The following HELZ variants were observed in gnomAD, a reference collection of about 807,000 sequenced individuals.
HELZ encodes ATP-dependent RNA helicase with zinc finger domain.
HELZ carries 23 observed loss-of-function variants against 218.2 expected under a neutral mutation model. The ratio of observed to expected loss-of-function variants is 0.11; its 90% CI spans 0.08 to 0.15. The LOEUF (loss-of-function observed/expected upper bound fraction) is 0.15, where lower values mean the gene tolerates loss of function less well. Ranked by LOEUF, HELZ falls within the 10% of genes least tolerant of loss-of-function variation. The pLI is 1.00. For missense variants in HELZ, 1,813 were observed against 2,353.7 expected (o/e 0.77, Z 4.75); for synonymous variants, 814 against 829.4 (o/e 0.98, Z 0.32).
intron 5 of HELZ, among the ~76,000 whole-genome samples, chr17:67,215,219 C>G (rs1049533893): frequency 6.6e-6 from 1 of 152,102 alleles, no homozygotes; most frequent in Non-Finnish European, 1.5e-5. Context: ...GAAAGATCTT[C>G]TGATCAAGAA....
rs1402362094 is a variant in HELZ at position 67,076,854 on chromosome 17, A to T, written c.*1398T>A. On this transcript the variant is annotated 3_prime_UTR_variant, in exon 33 of 33. Coordinates refer to ENST00000358691, the MANE Select transcript of HELZ (RefSeq NM_014877.4). Reference sequence around the variant, plus strand: ...TCGAAAGGTTCCCCAGCCTCATCTTATTTTTTTTTAAAAGTTTATATTGTA... The same window carrying T: ...TCGAAAGGTTCCCCAGCCTCATCTTTTTTTTTTTTAAAAGTTTATATTGTA... The T allele has an allele frequency of 1.3e-5, 2 of 151,576 alleles. No homozygotes were observed. Among genetic ancestry groups the T allele is most frequent in the Non-Finnish European group, 2.9e-5 (2 of 67,878 alleles). 9.4% of individuals were successfully genotyped at this position (151,576 alleles called of 1,614,324 possible).
Position 67,188,428 on chromosome 17 carries a change from T to G in HELZ, c.1053A>C (p.Ile351=). ...GLDHYVYKVG[I]AFNTEIFGTF... ...TTCCAAATATTTCTGTGTTAAATGC[T>G]ATCCCGACTTTATACACGTAATGAT... The change falls in exon 12 of 33, where the codon ATA becomes ATC. Residue 351 remains isoleucine, a synonymous_variant. Coordinates refer to ENST00000358691, the MANE Select transcript of HELZ (RefSeq NM_014877.4). This position sits in a 1 kb window ranked among gnomAD's most constrained non-coding sequence, Gnocchi z 4.1. 1 of 1,614,002 alleles carries G rather than the reference T, an allele frequency of 6.2e-7. No individual in the cohort carries two copies. Among genetic ancestry groups the G allele is most frequent in the South Asian group, 1.1e-5 (1 of 91,086 alleles).
At chr17:67,078,877 T>A (rs1453358452) in intron 32 of HELZ, among the ~76,000 whole-genome samples, 1 of 152,270 alleles carries the variant, frequency 6.6e-6, no homozygotes. Flanking sequence ...TGTGTAACTG[T>A]ACACTTTGAT....
At chr17:67,218,486 C>T (rs533191045) in intron 4 of HELZ, 109 bp downstream of exon 4, 6 of 847,744 alleles carry the variant, frequency 7.1e-6, no homozygotes, top group Non-Finnish European at 1.2e-5. Context: ...TCACCAGCCA[C>T]TTCACTCACA....
intron 20 of HELZ, among the ~76,000 whole-genome samples, chr17:67,146,737 C>A (rs2038510160): frequency 6.6e-6 from 1 of 152,160 alleles, no homozygotes; most frequent in African/African-American, 2.4e-5. Context: ...TTGAGAGATA[C>A]AATTATATCT....
chr17:67,109,563 C>G lies in HELZ; in HGVS notation c.4042G>C (p.Ala1348Pro), dbSNP rs760991361. The G allele has an allele frequency of 6.2e-7, 1 of 1,613,990 alleles. No individual in the cohort carries two copies. Among genetic ancestry groups the G allele is most frequent in the South Asian group, 1.1e-5 (1 of 91,062 alleles). Residue 1348 changes from alanine to proline, a missense_variant, in exon 29 of 33, where the codon GCT (alanine) becomes CCT (proline). This residue lies in a region of HELZ where 938 missense variants were observed against 1,027.5 expected (regional missense o/e 0.91). Coordinates refer to ENST00000358691, the MANE Select transcript of HELZ (RefSeq NM_014877.4). ...GGGATTGCATACTGTGCGTGGGGAG[C>G]AGGAAGGGGAAGATTTATGTGTCTT... The part of the protein sequence containing the change: ...NPRHINLPLP[A>P]PHAQYAIPNR...
intron 23 of HELZ, among the ~76,000 whole-genome samples, chr17:67,130,992 C>T (rs2037964128): frequency 6.7e-6 from 1 of 148,980 alleles, no homozygotes; most frequent in South Asian, 2.1e-4. Context: ...TGGGCTCAAG[C>T]CTCTCGCCTC....
At chr17:67,235,805 TAC>T (rs2041166008) in intron 3 of HELZ, among the ~76,000 whole-genome samples, 1 of 145,172 alleles carries the variant, frequency 6.9e-6, no homozygotes, top group African/African-American at 2.6e-5. Context: ...GCCCAGGCTG[TAC>T]GCAGTGGTGC....
At chr17:67,201,107 G>C (rs766509990) in intron 7 of HELZ, 22 bp downstream of exon 7, 1 of 1,540,546 alleles carries the variant, frequency 6.5e-7, no homozygotes, top group Admixed American at 1.7e-5. Flanking sequence ...TCTTCCAAAC[G>C]GATCCACTGA....
At chr17:67,132,381 T>A (rs148579627) in intron 23 of HELZ, among the ~76,000 whole-genome samples, 1,660 of 152,332 alleles carry the variant, frequency 0.011, 13 homozygotes, top group Non-Finnish European at 0.016. Context: ...AAAAAGGTTA[T>A]CACTCTCCTT....
chr17:67,231,592 GAAA>G (rs777015874), intron 3 of HELZ, among the ~76,000 whole-genome samples: 5 of 107,428 alleles, frequency 4.7e-5, no homozygotes, highest in Admixed American at 1.0e-4. Flanking sequence ...GACTCTGTCG[GAAA>G]AAAAAAAAAA....
Position 67,107,250 on chromosome 17 carries a change from A to T in HELZ, c.5160T>A (p.His1720Gln), listed in dbSNP as rs764659965. Reference sequence around the variant, plus strand: ...ATGGCTCTTGACCAATAGCATGTTGATGATTCTGTATTTGTACAAAAGGGT... The same window carrying T: ...ATGGCTCTTGACCAATAGCATGTTGTTGATTCTGTATTTGTACAAAAGGGT... ...PQNPFVQIQN[H>Q]QHAIGQEPFH... Residue 1720 changes from histidine (H) to glutamine (Q), a missense_variant, in exon 31 of 33, where the codon CAT becomes CAA. His to Gln is a conservative substitution (Grantham distance 24). This residue lies in a region of HELZ where 938 missense variants were observed against 1,027.5 expected (regional missense o/e 0.91). Transcript: ENST00000358691. 1 of 1,614,034 alleles carries T rather than the reference A, an allele frequency of 6.2e-7. No homozygotes were observed.
At chr17:67,078,953 T>A (rs561019012) in intron 32 of HELZ, among the ~76,000 whole-genome samples, 1 of 152,352 alleles carries the variant, frequency 6.6e-6, no homozygotes, top group South Asian at 2.1e-4. Flanking sequence ...AAAAAGGAGC[T>A]GCATATCCAG....
intron 17 of HELZ, among the ~76,000 whole-genome samples, chr17:67,152,713 G>T (rs1302289747): frequency 1.4e-5 from 2 of 145,592 alleles, no homozygotes; most frequent in African/African-American, 5.1e-5. Context: ...CTACAATTGG[G>T]ATAATACTAA....
intron 28 of HELZ, among the ~76,000 whole-genome samples, chr17:67,113,703 T>C (rs551162189): frequency 6.6e-6 from 1 of 152,220 alleles, no homozygotes; most frequent in African/African-American, 2.4e-5. Context: ...AGCCATCCAA[T>C]AGGATAATAG....
chr17:67,149,467 G>A (rs892354503), intron 19 of HELZ, among the ~76,000 whole-genome samples: 1 of 151,966 alleles, frequency 6.6e-6, no homozygotes, highest in African/African-American at 2.4e-5. Flanking sequence ...CTATTTCCTA[G>A]TTTTCTATTA....
chr17:67,150,351 ACTC>A (rs1401390684), intron 18 of HELZ, among the ~76,000 whole-genome samples: 1 of 151,194 alleles, frequency 6.6e-6, no homozygotes, highest in Admixed American at 6.6e-5. Flanking sequence ...GTCTGGCTGA[ACTC>A]CTGGCCTCAA....
At chr17:67,157,080 C>T (rs1416833587) in intron 17 of HELZ, among the ~76,000 whole-genome samples, 1 of 152,172 alleles carries the variant, frequency 6.6e-6, no homozygotes, top group Non-Finnish European at 1.5e-5. Context: ...ACATCCTGCT[C>T]CCCCTTCGCC....
At chr17:67,137,312 T>A (rs189590479) in intron 22 of HELZ, among the ~76,000 whole-genome samples, 1 of 152,306 alleles carries the variant, frequency 6.6e-6, no homozygotes, top group East Asian at 1.9e-4. Flanking sequence ...TGCTTTCTAA[T>A]TTACTCCTAA....
Sources: allele counts gnomAD v4.1 joint callset (sites outside exome capture counted in the v4.1 genomes callset), GRCh38; gene constraint gnomAD v4.1.1; regional missense constraint gnomAD v4.1.1; non-coding constraint Gnocchi (gnomAD v3.1); transcripts MANE v1.5; gene names NCBI Gene and HGNC (gene_info 2026-07-23, HGNC 2026-07-21).